Variants in MRNIP observed in about 807,000 individuals in gnomAD.
MRNIP encodes the protein MRN complex-interacting protein.
MRNIP carries 30 observed loss-of-function variants against 29.8 expected under a neutral mutation model. The observed-to-expected ratio is 1.01, with a 90% CI of 0.75 to 1.36. MRNIP has a LOEUF of 1.36. MRNIP is among the 40% of genes most tolerant of loss of function. The pLI, the probability that MRNIP is intolerant of heterozygous loss-of-function variation, is 0.00. For missense variants in MRNIP, 459 were observed against 423.5 expected (o/e 1.08, Z -0.74); for synonymous variants, 201 against 164.1 (o/e 1.23, Z -1.72).
intron 3 of MRNIP, among the ~76,000 whole-genome samples, chr5:179,846,322 T>C (rs1759128003): frequency 6.6e-6 from 1 of 151,828 alleles, no homozygotes; most frequent in African/African-American, 2.4e-5. Flanking sequence ...TCTCACTCTA[T>C]TGGCAGGCTG....
intron 1 of MRNIP, among the ~76,000 whole-genome samples, chr5:179,856,805 G>A (rs937437022): frequency 3.9e-5 from 6 of 152,160 alleles, no homozygotes; most frequent in South Asian, 2.1e-4. Context: ...AAATGACCAC[G>A]AGGGTCAGGG....
intron 4 of MRNIP, among the ~76,000 whole-genome samples, chr5:179,843,298 A>G (rs774861693): frequency 6.6e-6 from 1 of 152,158 alleles, no homozygotes; most frequent in Non-Finnish European, 1.5e-5. Context: ...ACTGAAAACT[A>G]TACCGCAGCA....
intron 1 of MRNIP, among the ~76,000 whole-genome samples, 182 bp downstream of exon 1, chr5:179,858,549 C>G (rs1164096902): frequency 6.6e-6 from 1 of 152,246 alleles, no homozygotes; most frequent in Non-Finnish European, 1.5e-5. Context: ...TGTACAAGAA[C>G]CAAACAAAAA....
In MRNIP at chr5:179,838,157, C is replaced by G; in HGVS notation, c.538-272G>C. 5.7e-6 allele frequency: 3 copies of G among 528,702 alleles called. No individual in the cohort carries two copies. The South Asian group carries it at 7.5e-5, about 13-fold the overall frequency. 32.8% of individuals were successfully genotyped at this position (528,702 alleles called of 1,614,324 possible). A position where few individuals can be genotyped will look rare whatever the true frequency, so the allele number is the denominator to read the frequency against. ...ATCAGGTGATCCATCTCCTGGGGAC[C>G]TTAGAATCAGGTTACCGGTGCCTAC... is the stretch of plus-strand genomic sequence containing the variant. On this transcript the variant is annotated intron_variant, in intron 6 of 6. Coordinates refer to ENST00000292586, the MANE Select transcript of MRNIP (RefSeq NM_016175.4).
intron 1 of MRNIP, among the ~76,000 whole-genome samples, chr5:179,853,819 T>A (rs944898274): frequency 1.4e-5 from 2 of 147,126 alleles, no homozygotes; most frequent in Non-Finnish European, 3.0e-5. Flanking sequence ...GGATCTGAAA[T>A]TTTTTTTTTT....
intron 1 of MRNIP, among the ~76,000 whole-genome samples, chr5:179,853,665 A>G (rs1759464743): frequency 6.6e-6 from 1 of 151,942 alleles, no homozygotes; most frequent in Non-Finnish European, 1.5e-5. Flanking sequence ...CCAGCTACTC[A>G]GGAGGCTGAG....
At chr5:179,849,703 A>T (rs1210300518) in intron 2 of MRNIP, among the ~76,000 whole-genome samples, 2 of 131,624 alleles carry the variant, frequency 1.5e-5, no homozygotes, top group East Asian at 2.5e-4. Flanking sequence ...GGTAAGAAAC[A>T]GAATTTGAGA....
chr5:179,844,149 T>C lies in MRNIP; in HGVS notation c.291+3A>G, dbSNP rs753168832. On this transcript the variant is annotated splice_donor_region_variant and intron_variant, in intron 4 of 6. Transcript: ENST00000292586. Reference sequence around the variant, plus strand: ...GCCTGGGGCAGGTGGGCCTGAGGCTTACCTGCTGCTTCACATTCCCAGCCT... The same window carrying C: ...GCCTGGGGCAGGTGGGCCTGAGGCTCACCTGCTGCTTCACATTCCCAGCCT... 1 of 1,613,820 alleles carries C rather than the reference T, an allele frequency of 6.2e-7. No individual in the cohort carries two copies. Among genetic ancestry groups the C allele is most frequent in the South Asian group, 1.1e-5 (1 of 91,068 alleles).
intron 1 of MRNIP, among the ~76,000 whole-genome samples, chr5:179,854,601 A>G (rs999230889): frequency 6.6e-6 from 1 of 151,826 alleles, no homozygotes; most frequent in Non-Finnish European, 1.5e-5. Flanking sequence ...GCATGGCAAG[A>G]GGCTGTCTCA....
intron 6 of MRNIP, chr5:179,839,962 T>TTA (rs1758807019): frequency 9.0e-6 from 1 of 111,380 alleles, no homozygotes; most frequent in African/African-American, 3.0e-5. Context: ...ACCATGTCTC[T>TTA]AAAAAATTTT....
intron 2 of MRNIP, 78 bp from the exon 3 acceptor site, chr5:179,848,144 C>G (rs532241475): frequency 9.3e-7 from 1 of 1,077,322 alleles, no homozygotes; most frequent in Admixed American, 1.7e-5. Flanking sequence ...AGATGCACCT[C>G]AGGGAGGACA....
In MRNIP at chr5:179,837,665, T is replaced by TC. The variant is rs779431270; in HGVS notation, c.757dup (p.Asp253GlyfsTer11). The TC allele has an allele frequency of 9.3e-6, 15 of 1,614,058 alleles. No individual in the cohort carries two copies. The highest frequency in any genetic ancestry group is 4.0e-5 in the African/African-American group (3 of 74,926). On this transcript the variant is annotated frameshift_variant, in exon 7 of 7. Transcript: ENST00000292586. LOFTEE classifies it low-confidence loss of function (END_TRUNC). ...CTGTGCTGGACCAGCTGGCCTGGGG[T>TC]CCCTCTGAAGAGACCTTGGCTGCTC...
chr5:179,851,142 G>C (rs1024355073), intron 2 of MRNIP: 5 of 446,532 alleles, frequency 1.1e-5, no homozygotes, highest in African/African-American at 6.0e-5. Context: ...ACCACACACA[G>C]CACAGAGGCA....
chr5:179,844,472 G>C (rs1182726758), intron 3 of MRNIP: 1 of 443,456 alleles, frequency 2.3e-6, no homozygotes, highest in Non-Finnish European at 4.1e-6. Flanking sequence ...CTGGAAGATG[G>C]AATCACATGA....
At chr5:179,852,733 G>T (rs1659940482) in intron 2 of MRNIP, among the ~76,000 whole-genome samples, 1 of 152,202 alleles carries the variant, frequency 6.6e-6, no homozygotes, top group Non-Finnish European at 1.5e-5. Context: ...GGGAGAGGTG[G>T]CACTGGGGCT....
At position 179,841,985 on chromosome 5, in the gene MRNIP, C is replaced by G. The variant is rs576641647; in HGVS notation, c.371G>C (p.Gly124Ala). 188 of 1,614,136 alleles carry G rather than the reference C, an allele frequency of 1.2e-4. 2 individuals are homozygous for G. The South Asian group carries it at 1.9e-3, about 16-fold the overall frequency. ...TGAAGGCTGTTTGCTGAAACACACT[C>G]CTGTTCCTTCCAGCTCCAGTTCTTG... is the stretch of plus-strand genomic sequence containing the variant. ...DSQELELEGT[G>A]VCFSKQPSSK... The change falls in exon 5 of 7, where the codon GGA becomes GCA. Residue 124 changes from glycine to alanine, a missense_variant. Physicochemically the swap from Gly to Ala is moderately conservative, Grantham distance 60. Transcript: ENST00000292586.
intron 2 of MRNIP, 167 bp downstream of exon 2, chr5:179,853,211 C>T: frequency 3.3e-6 from 5 of 1,535,428 alleles, no homozygotes; most frequent in Non-Finnish European, 3.5e-6. Context: ...CCAGATTCTG[C>T]TCCATCCATT....
At chr5:179,852,198 A>T (rs1033861013) in intron 2 of MRNIP, among the ~76,000 whole-genome samples, 5 of 150,274 alleles carry the variant, frequency 3.3e-5, no homozygotes, top group Admixed American at 1.3e-4. Flanking sequence ...AGGCAGGAAA[A>T]CTGCTTAAAC....
chr5:179,842,644 G>A (rs1272801179), intron 4 of MRNIP, among the ~76,000 whole-genome samples: 1 of 142,308 alleles, frequency 7.0e-6, no homozygotes, highest in African/African-American at 2.7e-5. Context: ...GGCCTGCAGT[G>A]AGCCGAGATG....
Sources: allele counts gnomAD v4.1 joint callset (sites outside exome capture counted in the v4.1 genomes callset), GRCh38; gene constraint gnomAD v4.1.1; transcripts MANE v1.5; gene names NCBI Gene and HGNC (gene_info 2026-07-23, HGNC 2026-07-21).